UGT1A9: variants seen among roughly 807,000 people sequenced by gnomAD.
The protein encoded by UGT1A9 is UDP-glucuronosyltransferase 1A9.
In UGT1A9, 35 loss-of-function variants were observed where a neutral mutation model predicts 45.0. The ratio of observed to expected loss-of-function variants is 0.78; its 90% CI spans 0.59 to 1.03. UGT1A9 has a LOEUF of 1.03. Ranked by LOEUF, UGT1A9 falls within the 50% of genes least tolerant of loss-of-function variation. UGT1A9 has a pLI of 0.00. For synonymous variants in UGT1A9, 278 were observed against 250.6 expected (o/e 1.11, Z -1.03); for missense variants, 687 against 666.6 (o/e 1.03, Z -0.34).
intron 1 of UGT1A9, among the ~76,000 whole-genome samples, chr2:233,684,208 A>C (rs2125528329): frequency 6.6e-6 from 1 of 152,300 alleles, no homozygotes; most frequent in South Asian, 2.1e-4. Context: ...CAACCAACTC[A>C]TGGGAAAATG....
In UGT1A9 at chr2:233,739,290, C is replaced by A. The variant is rs1363558012; in HGVS notation, c.856-27744C>A. On this transcript the variant is annotated intron_variant, in intron 1 of 4. Transcript: ENST00000354728. ...TTGGAGCCCCCACACAGAGTCTCCACTGGGGCACTGCCTAGTGGAGTTGTG... is the reference window on the plus strand; with the variant it reads ...TTGGAGCCCCCACACAGAGTCTCCAATGGGGCACTGCCTAGTGGAGTTGTG... Among the ~76,000 whole-genome samples, 3 of 152,214 alleles carry A rather than the reference C, an allele frequency of 2.0e-5. No homozygotes were observed. In the East Asian group the frequency reaches 5.8e-4, roughly 29 times the overall value.
chr2:233,729,120 T>A, intron 1 of UGT1A9: 1 of 1,613,088 alleles, frequency 6.2e-7, no homozygotes, highest in Non-Finnish European at 8.5e-7. Context: ...CCGTGTCTTC[T>A]GCTGAGATGG....
intron 1 of UGT1A9, among the ~76,000 whole-genome samples, chr2:233,766,376 C>T (rs1699131127): frequency 6.6e-6 from 1 of 152,176 alleles, no homozygotes; most frequent in Admixed American, 6.5e-5. Context: ...GAGTTCTTCT[C>T]AATGTCCAGC....
chr2:233,730,559 G>A (rs1203367462), intron 1 of UGT1A9, among the ~76,000 whole-genome samples: 1 of 152,170 alleles, frequency 6.6e-6, no homozygotes, highest in Non-Finnish European at 1.5e-5. Context: ...ATTAGAGAAT[G>A]ACACACGAAG....
chr2:233,686,492 C>A (rs2074791571), intron 1 of UGT1A9, among the ~76,000 whole-genome samples: 1 of 152,052 alleles, frequency 6.6e-6, no homozygotes, highest in East Asian at 1.9e-4. Flanking sequence ...ACTTTCTGAA[C>A]AGGTGAGCCC....
intron 1 of UGT1A9, among the ~76,000 whole-genome samples, chr2:233,684,425 C>T (rs2074679890): frequency 6.6e-6 from 1 of 152,212 alleles, no homozygotes; most frequent in South Asian, 2.1e-4. Context: ...GCCTCACCCT[C>T]TAGCCAAGTG....
At chr2:233,741,327 C>T (rs1174664524) in intron 1 of UGT1A9, among the ~76,000 whole-genome samples, 1 of 151,448 alleles carries the variant, frequency 6.6e-6, no homozygotes, top group Non-Finnish European at 1.5e-5. Flanking sequence ...TTCTACTCTA[C>T]CCAGAGTAGT....
In UGT1A9 at chr2:233,682,448, G is replaced by A. The variant is rs1174310006; in HGVS notation, c.855+9659G>A. On this transcript the variant is annotated intron_variant, in intron 1 of 4. Coordinates refer to ENST00000354728, the MANE Select transcript of UGT1A9 (RefSeq NM_021027.3). ...CCTCCCCTCTGTGGTCTTCGCCAGG[G>A]GAATATTTTGCCACTATCTTGAAGA... 1.2e-6 allele frequency: 2 copies of A among 1,613,718 alleles called. No homozygotes were observed. The highest frequency in any genetic ancestry group is 2.7e-5 in the African/African-American group (2 of 74,850).
intron 1 of UGT1A9, among the ~76,000 whole-genome samples, chr2:233,725,285 GGCAGAGGCAGAGGCA>G: frequency 1.1e-5 from 1 of 89,706 alleles, no homozygotes; most frequent in East Asian, 3.3e-4. Flanking sequence ...CAGAGGCAGA[GGCAGAGGCAGAGGCA>G]GAGGCAGAGG....
At chr2:233,733,174 G>T (rs2078363189) in intron 1 of UGT1A9, among the ~76,000 whole-genome samples, 1 of 152,204 alleles carries the variant, frequency 6.6e-6, no homozygotes, top group African/African-American at 2.4e-5. Context: ...CTGGGACTTT[G>T]CTGAAGTTGC....
intron 1 of UGT1A9, among the ~76,000 whole-genome samples, chr2:233,714,888 A>ATCTTTTTTATTT (rs148944858): frequency 1.7e-4 from 26 of 151,790 alleles, no homozygotes; most frequent in Non-Finnish European, 2.9e-4. Flanking sequence ...AAATTTTTCT[A>ATCTTTTTTATTT]TCTTTTGAGA....
rs1043133002 is a variant in UGT1A9, at chr2:233,769,410, C to T, written c.1295+971C>T. On this transcript the variant is annotated intron_variant, in intron 4 of 4. Transcript: ENST00000354728. This position sits in a 1 kb window ranked among gnomAD's most constrained non-coding sequence, Gnocchi z 4.4. ...GATACTGTGTGCATATGTGCGTGTG[C>T]GTTTGTGCATGTGGCTGTGCTCATG... is the stretch of plus-strand genomic sequence containing the variant. 3.7e-5 allele frequency: 49 copies of T among 1,332,922 alleles called. No homozygotes were observed. The highest frequency in any genetic ancestry group is 1.1e-4 in the Admixed American group (6 of 53,448). The allele number at this position is 1,332,922 out of a possible 1,614,324, so 82.6% of individuals were successfully genotyped here.
At chr2:233,736,600 T>C (rs1190084576) in intron 1 of UGT1A9, among the ~76,000 whole-genome samples, 7 of 152,224 alleles carry the variant, frequency 4.6e-5, no homozygotes, top group Non-Finnish European at 1.0e-4. Flanking sequence ...TTATGCGCTA[T>C]GGTTTTTAGA....
At position 233,772,256 on chromosome 2, in the gene UGT1A9, G is replaced by A; in HGVS notation, c.1296-6G>A. ...CCAGGCATAACGAAACTGTCTTTGTGTTTAGTTACAAGGAGAACATCATGC... is the reference window on the plus strand; with the variant it reads ...CCAGGCATAACGAAACTGTCTTTGTATTTAGTTACAAGGAGAACATCATGC... On this transcript the variant is annotated splice_polypyrimidine_tract_variant and splice_region_variant and intron_variant, in intron 4 of 4. Coordinates refer to ENST00000354728, the MANE Select transcript of UGT1A9 (RefSeq NM_021027.3). 1.9e-6 allele frequency: 3 copies of A among 1,614,262 alleles called. No homozygotes were observed. Among genetic ancestry groups the A allele is most frequent in the Non-Finnish European group, 2.5e-6 (3 of 1,180,048 alleles).
chr2:233,756,397 G>A (rs553407927), intron 1 of UGT1A9: 1 of 151,974 alleles, frequency 6.6e-6, no homozygotes, highest in South Asian at 2.1e-4. Flanking sequence ...TACAGTATTG[G>A]TTTTTTATTT....
rs1321370763 is a variant in UGT1A9 at position 233,760,541 on chromosome 2, G to A, written c.856-6493G>A. 6.2e-7 allele frequency: 1 copy of A among 1,614,268 alleles called. No homozygotes were observed. Among genetic ancestry groups the A allele is most frequent in the Non-Finnish European group, 8.5e-7 (1 of 1,180,050 alleles). On this transcript the variant is annotated intron_variant, in intron 1 of 4. Coordinates refer to ENST00000354728, the MANE Select transcript of UGT1A9 (RefSeq NM_021027.3). ...AAGACGTACCCTGTGCCATTCCAAA[G>A]GGAGGATGTGAAAGAGTCTTTTGTT... is the stretch of plus-strand genomic sequence containing the variant.
At chr2:233,751,292 A>C (rs1369040584) in intron 1 of UGT1A9, among the ~76,000 whole-genome samples, 1 of 151,886 alleles carries the variant, frequency 6.6e-6, no homozygotes, top group East Asian at 1.9e-4. Flanking sequence ...TCCCATTTGG[A>C]ATGGGAATAT....
chr2:233,756,958 C>A (rs1696367405), intron 1 of UGT1A9, among the ~76,000 whole-genome samples: 1 of 151,964 alleles, frequency 6.6e-6, no homozygotes, highest in Non-Finnish European at 1.5e-5. Context: ...GGACTTGGCA[C>A]TTGGTAAGCA....
At position 233,682,701 on chromosome 2, in the gene UGT1A9, C is replaced by G. The variant is rs543841942; in HGVS notation, c.855+9912C>G. On this transcript the variant is annotated intron_variant, in intron 1 of 4. Transcript: ENST00000354728. ...CACACATCAATTTGGTTGTTGCGAACTGACTTTGTTTTGGAGTATCCCAAA... is the reference window on the plus strand; with the variant it reads ...CACACATCAATTTGGTTGTTGCGAAGTGACTTTGTTTTGGAGTATCCCAAA... The G allele has an allele frequency of 2.5e-5, 41 of 1,613,884 alleles. 1 individual carries two copies. In the South Asian group the frequency reaches 4.2e-4, roughly 16 times the overall value.
Sources: gnomAD v4.1 joint callset for allele counts (sites outside exome capture counted in the v4.1 genomes callset) on GRCh38, gnomAD v4.1.1 for gene constraint, Gnocchi (gnomAD v3.1) non-coding constraint, MANE v1.5 for transcripts, NCBI Gene and HGNC (gene_info 2026-07-23, HGNC 2026-07-21) for gene names.